The following LGI2 variants were observed in gnomAD, a reference collection of about 807,000 sequenced individuals.
LGI2 encodes the protein leucine rich repeat LGI family member 2, also known as leucine-rich repeat LGI family member 2.
A neutral mutation model predicts 52.0 loss-of-function variants in LGI2; 30 were observed. The observed-to-expected ratio is 0.58, with a 90% CI of 0.43 to 0.78. The LOEUF is 0.78. Ranked by LOEUF, LGI2 falls within the 30% of genes least tolerant of loss-of-function variation. LGI2 has a pLI of 0.00. For missense variants in LGI2, 573 were observed against 692.5 expected (o/e 0.83, Z 1.94); for synonymous variants, 270 against 271.8 (o/e 0.99, Z 0.06).
Position 25,003,373 on chromosome 4 carries a change from G to T in LGI2, c.*78C>A. The T allele has an allele frequency of 1.9e-6, 2 of 1,038,246 alleles. No individual in the cohort carries two copies. Among genetic ancestry groups the T allele is most frequent in the South Asian group, 1.7e-5 (1 of 58,370 alleles). The allele number at this position is 1,038,246 out of a possible 1,614,324, so 64.3% of individuals were successfully genotyped here. On this transcript the variant is annotated 3_prime_UTR_variant, in exon 8 of 8. Transcript: ENST00000382114. ...ATTTCAGAGCTCTGAGCCTGGCTTT[G>T]ATTTGTTTGTTGATTTTTCTTGGTC...
intron 6 of LGI2, among the ~76,000 whole-genome samples, chr4:25,013,636 G>C (rs986040449): frequency 2.6e-5 from 4 of 152,184 alleles, no homozygotes; most frequent in Non-Finnish European, 5.9e-5. Context: ...TTTTTCACCT[G>C]TAAAATGAAG....
intron 7 of LGI2, among the ~76,000 whole-genome samples, chr4:25,012,095 C>A (rs186461858): frequency 6.6e-6 from 1 of 152,176 alleles, no homozygotes; most frequent in Non-Finnish European, 1.5e-5. Context: ...CCACCACATG[C>A]AACCCGTAAA....
At chr4:25,017,206 T>C (rs780522415) in intron 6 of LGI2, among the ~76,000 whole-genome samples, 1 of 152,146 alleles carries the variant, frequency 6.6e-6, no homozygotes, top group Non-Finnish European at 1.5e-5. Flanking sequence ...TACCTAGTTA[T>C]CTCTTCTTAC....
chr4:25,005,025 A>C (rs1725356023), intron 7 of LGI2, among the ~76,000 whole-genome samples: 1 of 152,198 alleles, frequency 6.6e-6, no homozygotes, highest in Admixed American at 6.5e-5. Context: ...GGCTAAGTGA[A>C]ATAGCCAGTC....
At chr4:25,030,442 G>C in intron 1 of LGI2, 55 bp downstream of exon 1, 1 of 1,538,120 alleles carries the variant, frequency 6.5e-7, no homozygotes. Context: ...CTCCCTCGCG[G>C]CGGCGGACGC....
intron 7 of LGI2, among the ~76,000 whole-genome samples, chr4:25,011,783 C>T (rs184194520): frequency 8.9e-4 from 136 of 152,216 alleles, no homozygotes; most frequent in African/African-American, 3.1e-3. Context: ...GATCCCATGA[C>T]GGCACTGAAA....
chr4:25,014,759 AGTCTGAGGTTGCAGTGAGCTATGATT>A (rs1207599111), intron 6 of LGI2, among the ~76,000 whole-genome samples: 2 of 144,678 alleles, frequency 1.4e-5, no homozygotes, highest in East Asian at 4.5e-4. Context: ...TGAGCCCAGG[AGTCTGAGGTTGCAGTGAGCTATGATT>A]GTGCCACTGC....
chr4:25,004,234 G>T lies in LGI2; in HGVS notation c.855C>A (p.Ile285=), dbSNP rs151209012. The T allele has an allele frequency of 1.9e-6, 3 of 1,613,838 alleles. No individual in the cohort carries two copies. The highest frequency in any genetic ancestry group is 2.7e-5 in the African/African-American group (2 of 74,908). The change falls in exon 8 of 8, where the codon ATC becomes ATA. Residue 285 remains isoleucine, a synonymous_variant. Transcript: ENST00000382114. The surrounding 1 kb of genome is among the most constrained non-coding windows in gnomAD (Gnocchi z 4.6). Reference sequence around the variant, plus strand: ...CTACCACCACAAAGACCTGATCATCGATGAGAATGGCCTTACAGCCCACGA... The same window carrying T: ...CTACCACCACAAAGACCTGATCATCTATGAGAATGGCCTTACAGCCCACGA... ...QSIVGCKAIL[I]DDQVFVVVAQ... is the part of the protein sequence containing the mutation.
At chr4:25,030,360 G>A (rs1577564712) in intron 1 of LGI2, 137 bp downstream of exon 1, 2 of 892,428 alleles carry the variant, frequency 2.2e-6, no homozygotes. Flanking sequence ...CTCCACCCAC[G>A]TCCCCCACAC....
intron 5 of LGI2, among the ~76,000 whole-genome samples, chr4:25,018,518 A>T (rs1241461690): frequency 6.6e-6 from 1 of 152,220 alleles, no homozygotes; most frequent in African/African-American, 2.4e-5. Context: ...AGGATATTGT[A>T]GGAAGACAGT....
At chr4:24,996,580 A>G (rs1220395910), downstream of LGI2, among the ~76,000 whole-genome samples, 3 of 152,174 alleles carry the variant, frequency 2.0e-5, no homozygotes, top group African/African-American at 7.2e-5. Context: ...GACAAGCATC[A>G]AAAGTGTCAC....
intron 3 of LGI2, among the ~76,000 whole-genome samples, chr4:25,026,312 A>G (rs1726149536): frequency 6.6e-6 from 1 of 152,094 alleles, no homozygotes; most frequent in South Asian, 2.1e-4. Context: ...GAACAAGGGC[A>G]AAGCTCATTG....
chr4:25,023,235 G>T (rs1352657402), intron 4 of LGI2, among the ~76,000 whole-genome samples: 7 of 152,130 alleles, frequency 4.6e-5, no homozygotes, highest in African/African-American at 1.7e-4. Context: ...ATCTTAGACA[G>T]TTAAACAATA....
chr4:24,997,683 A>G (rs559446276), downstream of LGI2, among the ~76,000 whole-genome samples: 40 of 152,230 alleles, frequency 2.6e-4, no homozygotes, highest in African/African-American at 9.6e-4. Context: ...TGTTTGGTTG[A>G]CGCCTGTGGT....
At chr4:25,022,960 G>A (rs1354039014) in intron 4 of LGI2, among the ~76,000 whole-genome samples, 1 of 152,172 alleles carries the variant, frequency 6.6e-6, no homozygotes, top group East Asian at 1.9e-4. Context: ...GACACCCACA[G>A]CTGTCTCCTT....
chr4:25,025,398 T>A (rs117051067), intron 3 of LGI2, among the ~76,000 whole-genome samples: 3 of 152,186 alleles, frequency 2.0e-5, no homozygotes, highest in Non-Finnish European at 4.4e-5. Flanking sequence ...CTTGAGTTTA[T>A]CGTGTCCTAC....
intron 7 of LGI2, among the ~76,000 whole-genome samples, chr4:25,011,799 G>A (rs777049783): frequency 3.8e-4 from 58 of 152,234 alleles, no homozygotes; most frequent in Middle Eastern, 3.4e-3. Flanking sequence ...TGAAAGAAGC[G>A]TTAACTAATT....
chr4:25,025,642 G>A (rs1304881122), intron 3 of LGI2, among the ~76,000 whole-genome samples: 4 of 152,212 alleles, frequency 2.6e-5, no homozygotes, highest in African/African-American at 9.6e-5. Context: ...GGCTCAGGGA[G>A]AACTAAATTT....
At chr4:25,013,589 A>G (rs1248714976) in intron 6 of LGI2, among the ~76,000 whole-genome samples, 7 of 152,234 alleles carry the variant, frequency 4.6e-5, no homozygotes, top group Non-Finnish European at 1.0e-4. Context: ...ACTTTTAGTT[A>G]CATGACCTTT....
Sources: gnomAD v4.1 joint callset for allele counts (sites outside exome capture counted in the v4.1 genomes callset) on GRCh38, gnomAD v4.1.1 for gene constraint, Gnocchi (gnomAD v3.1) non-coding constraint, MANE v1.5 for transcripts, NCBI Gene and HGNC (gene_info 2026-07-23, HGNC 2026-07-21) for gene names.